Variants in DCDC1 observed in about 807,000 individuals in gnomAD.
DCDC1 encodes doublecortin domain containing 1, also known as doublecortin domain-containing protein 1.
A neutral mutation model predicts 178.3 loss-of-function variants in DCDC1; 200 were observed. The ratio of observed to expected loss-of-function variants is 1.12; its 90% confidence interval spans 1.00 to 1.26. The LOEUF (loss-of-function observed/expected upper bound fraction) is 1.26. DCDC1 is among the 50% of genes most tolerant of loss of function. The probability of loss-of-function intolerance (pLI) is 0.00; values close to 1 mark genes in which losing one functional copy is unlikely to be tolerated. For synonymous variants in DCDC1, 690 were observed against 604.8 expected, an observed-to-expected ratio of 1.14 and a Z score of -2.07; for missense variants, 1,983 against 1,749.2, an observed-to-expected ratio of 1.13 and a Z score of -2.38.
intron 20 of DCDC1, among the ~76,000 whole-genome samples, chr11:31,009,241 GAAC>G (rs969896447): frequency 3.2e-4 from 49 of 152,094 alleles, no homozygotes; most frequent in African/African-American, 7.7e-4. Flanking sequence ...AAATAAATAA[GAAC>G]AACTGAAGGT....
intron 22 of DCDC1, among the ~76,000 whole-genome samples, chr11:30,928,189 CT>C (rs1171512243): frequency 6.6e-6 from 1 of 152,094 alleles, no homozygotes; most frequent in East Asian, 1.9e-4. Flanking sequence ...CACCTTCCCC[CT>C]CTCTCTTACT....
chr11:30,969,938 A>G (rs1395492922), intron 20 of DCDC1, among the ~76,000 whole-genome samples: 1 of 152,198 alleles, frequency 6.6e-6, no homozygotes, highest in Non-Finnish European at 1.5e-5. Flanking sequence ...CTCCTTCACA[A>G]AGAAGAACCA....
At chr11:31,098,536 C>A (rs1049150007) in intron 15 of DCDC1, among the ~76,000 whole-genome samples, 1 of 152,178 alleles carries the variant, frequency 6.6e-6, no homozygotes, top group Non-Finnish European at 1.5e-5. Context: ...AGGGGCTAGG[C>A]ACTGATATCT....
At chr11:31,324,285 G>A (rs1011551476) in intron 3 of DCDC1, among the ~76,000 whole-genome samples, 2 of 151,734 alleles carry the variant, frequency 1.3e-5, no homozygotes, top group Non-Finnish European at 2.9e-5. Context: ...GCATAGCATC[G>A]GGGGCATAAA....
intron 20 of DCDC1, among the ~76,000 whole-genome samples, chr11:31,018,069 C>T (rs1952607229): frequency 6.6e-6 from 1 of 151,906 alleles, no homozygotes; most frequent in Non-Finnish European, 1.5e-5. Flanking sequence ...AAACCAAAAA[C>T]TGTCACCACC....
intron 38 of DCDC1, among the ~76,000 whole-genome samples, chr11:30,877,080 CAT>C (rs778269879): frequency 1.2e-4 from 19 of 152,126 alleles, no homozygotes; most frequent in Non-Finnish European, 1.6e-4. Context: ...GTTGATGTAA[CAT>C]GTGAAATTTC....
chr11:31,300,164 A>C (rs774910632), intron 6 of DCDC1, among the ~76,000 whole-genome samples: 2 of 152,104 alleles, frequency 1.3e-5, no homozygotes, highest in Non-Finnish European at 2.9e-5. Context: ...CCGAGGTGTA[A>C]ACTATTATGC....
At chr11:31,269,893 G>T (rs113087400) in intron 7 of DCDC1, among the ~76,000 whole-genome samples, 22 of 152,288 alleles carry the variant, frequency 1.4e-4, no homozygotes, top group Admixed American at 2.0e-4. Context: ...GGAATGGCCA[G>T]AACCTCTGGG....
intron 9 of DCDC1, among the ~76,000 whole-genome samples, chr11:31,178,480 A>G (rs1968359785): frequency 1.3e-5 from 2 of 152,214 alleles, no homozygotes; most frequent in South Asian, 2.1e-4. Context: ...GATTTTTAAA[A>G]TAAGAACTCA....
intron 11 of DCDC1, among the ~76,000 whole-genome samples, chr11:31,111,310 C>CT (rs1565298267): frequency 2.6e-5 from 4 of 151,632 alleles, no homozygotes; most frequent in African/African-American, 9.7e-5. Context: ...AAAAAACTAC[C>CT]TTTTTTATAT....
chr11:31,325,937 G>C (rs1949621293), intron 3 of DCDC1, among the ~76,000 whole-genome samples: 1 of 152,032 alleles, frequency 6.6e-6, no homozygotes, highest in Non-Finnish European at 1.5e-5. Context: ...AGAGAAAATT[G>C]CCTCTCTCTG....
intron 9 of DCDC1, among the ~76,000 whole-genome samples, chr11:31,180,090 T>C (rs1479522788): frequency 1.3e-5 from 2 of 152,116 alleles, no homozygotes; most frequent in Non-Finnish European, 2.9e-5. Context: ...CCCTTCATGA[T>C]AAAAACTCCC....
At chr11:30,924,532 C>T (rs188456815) in intron 23 of DCDC1, among the ~76,000 whole-genome samples, 27 of 152,142 alleles carry the variant, frequency 1.8e-4, no homozygotes, top group Non-Finnish European at 3.4e-4. Flanking sequence ...TGCTAAAGTC[C>T]TTCCACTTTT....
At chr11:31,330,611 C>T (rs952199397) in intron 2 of DCDC1, among the ~76,000 whole-genome samples, 1 of 152,232 alleles carries the variant, frequency 6.6e-6, no homozygotes, top group African/African-American at 2.4e-5. Flanking sequence ...CAGCTTTCTA[C>T]ATATGGCTAG....
At chr11:30,963,786 T>A (rs1223149471) in intron 20 of DCDC1, among the ~76,000 whole-genome samples, 1 of 152,170 alleles carries the variant, frequency 6.6e-6, no homozygotes, top group Non-Finnish European at 1.5e-5. Flanking sequence ...CACAGCAGCT[T>A]AGCTTAACAC....
intron 21 of DCDC1, among the ~76,000 whole-genome samples, chr11:30,933,027 T>C (rs1565093034): frequency 1.3e-5 from 2 of 152,060 alleles, no homozygotes; most frequent in South Asian, 4.1e-4. Flanking sequence ...ACCATTGCTC[T>C]GGCAGCATCT....
intron 21 of DCDC1, among the ~76,000 whole-genome samples, chr11:30,932,796 A>G (rs541531961): frequency 3.2e-4 from 49 of 152,292 alleles, no homozygotes; most frequent in African/African-American, 1.1e-3. Context: ...GAGTAGGTTT[A>G]TCAGACTTGA....
chr11:30,963,618 A>G (rs1254987954), intron 20 of DCDC1, among the ~76,000 whole-genome samples: 1 of 152,122 alleles, frequency 6.6e-6, no homozygotes, highest in Non-Finnish European at 1.5e-5. Context: ...CTGAGAGATG[A>G]TAAGAGCTGG....
At chr11:31,013,103 T>C (rs527824757) in intron 20 of DCDC1, among the ~76,000 whole-genome samples, 18 of 152,348 alleles carry the variant, frequency 1.2e-4, no homozygotes, top group Middle Eastern at 3.4e-3. Flanking sequence ...TTATGCTGGT[T>C]TGAATATCTG....
Sources: allele counts gnomAD v4.1 joint callset (sites outside exome capture counted in the v4.1 genomes callset), GRCh38; gene constraint gnomAD v4.1.1; transcripts MANE v1.5; gene names NCBI Gene and HGNC (gene_info 2026-07-23, HGNC 2026-07-21).